MYO10: variants seen among roughly 807,000 people sequenced by gnomAD.
MYO10 encodes the protein unconventional myosin-X.
In MYO10, 133 loss-of-function variants were observed where a neutral mutation model predicts 257.3. The ratio of observed to expected loss-of-function variants is 0.52; its 90% CI spans 0.45 to 0.60. MYO10 has a LOEUF of 0.60. MYO10 is among the 20% of genes least tolerant of loss of function. The pLI, the probability that MYO10 is intolerant of heterozygous loss-of-function variation, is 0.00. For missense variants in MYO10, 2,399 were observed against 2,635.7 expected, an observed-to-expected ratio of 0.91 and a Z score of 1.97; for synonymous variants, 1,104 against 1,028.6, an observed-to-expected ratio of 1.07 and a Z score of -1.40.
intron 19 of MYO10, among the ~76,000 whole-genome samples, chr5:16,739,946 T>C (rs911404502): frequency 3.3e-5 from 5 of 152,170 alleles, no homozygotes; most frequent in African/African-American, 1.2e-4. Context: ...TTATTGTCAC[T>C]ATTCTTTGTC....
At chr5:16,676,254 A>C in intron 33 of MYO10, 100 bp from the exon 34 acceptor site, 1 of 1,401,556 alleles carries the variant, frequency 7.1e-7, no homozygotes, top group Non-Finnish European at 9.7e-7. Flanking sequence ...AGTGGGGCAA[A>C]GATGGTGGAA....
At chr5:16,719,014 T>C (rs533539148) in intron 19 of MYO10, among the ~76,000 whole-genome samples, 1 of 152,162 alleles carries the variant, frequency 6.6e-6, no homozygotes, top group South Asian at 2.1e-4. Context: ...GTTGCCAGCA[T>C]TAGCAACCCG....
In MYO10 at chr5:16,762,651, AAG is replaced by A. The variant is rs1740753189; in HGVS notation, c.1495-16_1495-15del. The A allele has an allele frequency of 6.4e-7, 1 of 1,566,234 alleles. No individual in the cohort carries two copies. The highest frequency in any genetic ancestry group is 8.7e-7 in the Non-Finnish European group (1 of 1,149,892). Reference sequence around the variant, plus strand: ...GAGGCCAAGTTTCTAGAAGAAGAAAAAGAAAAAATGAATTAAAAGTTGAATGT... The same window carrying A: ...GAGGCCAAGTTTCTAGAAGAAGAAAAAAAAAATGAATTAAAAGTTGAATGT... On this transcript the variant is annotated splice_polypyrimidine_tract_variant and intron_variant, in intron 14 of 40. Coordinates refer to ENST00000513610, the MANE Select transcript of MYO10 (RefSeq NM_012334.3).
intron 2 of MYO10, among the ~76,000 whole-genome samples, chr5:16,858,683 G>C (rs1554003659): frequency 6.6e-6 from 1 of 152,154 alleles, no homozygotes; most frequent in Non-Finnish European, 1.5e-5. Context: ...CACAGGGCCG[G>C]GTGCAGTGGC....
rs185843506 is a variant in MYO10, at chr5:16,837,066, T to C, written c.121-18899A>G. 1.4e-3 allele frequency among the ~76,000 whole-genome samples: 220 copies of C among 152,220 alleles called. 1 individual carries two copies. Among genetic ancestry groups the C allele is most frequent in the African/African-American group, 5.1e-3 (213 of 41,530 alleles). On this transcript the variant is annotated intron_variant, in intron 2 of 40. Transcript: ENST00000513610. ...TGGCTCACACCTGTAATCCCAGTAC[T>C]TTGGGAGGCCGAGGCGGGCAGATCA... is the stretch of plus-strand genomic sequence containing the variant.
chr5:16,742,977 G>A (rs994517338), intron 19 of MYO10, among the ~76,000 whole-genome samples: 2 of 151,750 alleles, frequency 1.3e-5, no homozygotes, highest in Non-Finnish European at 2.9e-5. Context: ...AAAATTAGCC[G>A]GGCATGGTGG....
chr5:16,914,944 T>A (rs751704622), intron 1 of MYO10, among the ~76,000 whole-genome samples: 3 of 152,100 alleles, frequency 2.0e-5, no homozygotes, highest in Non-Finnish European at 4.4e-5. Flanking sequence ...CATCACAAGA[T>A]TAAAAGTATA....
Position 16,783,439 on chromosome 5 carries a change from G to A in MYO10, c.498C>T (p.Ser166=), listed in dbSNP as rs1333491788. 11 of 1,611,290 alleles carry A rather than the reference G, an allele frequency of 6.8e-6. No homozygotes were observed. The highest frequency in any genetic ancestry group is 9.3e-6 in the Non-Finnish European group (11 of 1,178,936). ...SGESGAGKTE[S]TKLILKFLSV... ...ACAGAAACTTGAGGATCAATTTAGT[G>A]CTTTCGGTTTTACCTGCCCCACTTT... The change falls in exon 5 of 41, where the codon AGC becomes AGT. Residue 166 remains serine (S), a synonymous_variant. Coordinates refer to ENST00000513610, the MANE Select transcript of MYO10 (RefSeq NM_012334.3).
chr5:16,666,663 A>T lies in MYO10; in HGVS notation c.*29T>A. On this transcript the variant is annotated 3_prime_UTR_variant, in exon 41 of 41. Coordinates refer to ENST00000513610, the MANE Select transcript of MYO10 (RefSeq NM_012334.3). ...AGGCCAGAGGGTGGTGCGTTCAGGT[A>T]GCAAAGACAGGTGGGCTCTGTCCCG... 1 of 1,559,498 alleles carries T rather than the reference A, an allele frequency of 6.4e-7. No homozygotes were observed. The highest frequency in any genetic ancestry group is 2.3e-5 in the East Asian group (1 of 43,006).
At chr5:16,731,986 G>T (rs1346148284) in intron 19 of MYO10, among the ~76,000 whole-genome samples, 1 of 152,158 alleles carries the variant, frequency 6.6e-6, no homozygotes, top group Admixed American at 6.5e-5. Context: ...TTCTGAAGGG[G>T]GTTCATGGAG....
At chr5:16,752,992 T>A (rs966157021) in intron 19 of MYO10, among the ~76,000 whole-genome samples, 29 of 152,132 alleles carry the variant, frequency 1.9e-4, no homozygotes, top group Non-Finnish European at 3.4e-4. Flanking sequence ...TCAGCACAGA[T>A]CTTCAACAGA....
intron 34 of MYO10, among the ~76,000 whole-genome samples, 157 bp from the exon 35 acceptor site, chr5:16,675,307 A>T (rs186449638): frequency 1.3e-5 from 2 of 152,348 alleles, no homozygotes; most frequent in Admixed American, 1.3e-4. Flanking sequence ...ACACAGATCT[A>T]AAAGCACAGA....
intron 4 of MYO10, among the ~76,000 whole-genome samples, chr5:16,792,175 A>AGAGAGG (rs1741786622): frequency 6.8e-6 from 1 of 146,010 alleles, no homozygotes; most frequent in African/African-American, 2.6e-5. Flanking sequence ...GGAGAGACAG[A>AGAGAGG]GACAGACAGA....
intron 2 of MYO10, among the ~76,000 whole-genome samples, chr5:16,821,922 GAA>G (rs34424465): frequency 0.29 from 43,651 of 148,450 alleles, 7,135 homozygotes; most frequent in Non-Finnish European, 0.36. Flanking sequence ...GGAAGAGGGG[GAA>G]AAAAAAAAGC....
At chr5:16,880,744 T>C (rs1267143873) in intron 1 of MYO10, among the ~76,000 whole-genome samples, 1 of 152,196 alleles carries the variant, frequency 6.6e-6, no homozygotes, top group Non-Finnish European at 1.5e-5. Context: ...ACATGAAGAA[T>C]GAGACTTAAC....
At chr5:16,770,486 A>G (rs1741014142) in intron 9 of MYO10, among the ~76,000 whole-genome samples, 1 of 152,188 alleles carries the variant, frequency 6.6e-6, no homozygotes, top group Admixed American at 6.5e-5. Flanking sequence ...TGTTTTCTGA[A>G]TCATATCTAA....
rs991431707 is a variant in MYO10, at chr5:16,689,961, A to G, written c.3801-42T>C. 11 of 1,411,948 alleles carry G rather than the reference A, an allele frequency of 7.8e-6. No individual in the cohort carries two copies. In the South Asian group the frequency reaches 1.3e-4, roughly 16 times the overall value. 87.5% of individuals were successfully genotyped at this position (1,411,948 alleles called of 1,614,324 possible). A position where few individuals can be genotyped will look rare whatever the true frequency, so the allele number is the denominator to read the frequency against. On this transcript the variant is annotated intron_variant, in intron 27 of 40. Coordinates refer to ENST00000513610, the MANE Select transcript of MYO10 (RefSeq NM_012334.3). ...GCAACAAACGCACATCAGGAACACC[A>G]AATTCTGAATAACTGAGGAAAGCAA...
At chr5:16,815,601 T>TTCCAGGAAGACAAAATAAG (rs1742579917) in intron 3 of MYO10, 2 of 612,514 alleles carry the variant, frequency 3.3e-6, no homozygotes. Context: ...GTGTCCTTGG[T>TTCCAGGAAGACAAAATAAG]TCCAGGAAGA....
At chr5:16,682,157 A>ACAG in intron 30 of MYO10, 144 bp from the exon 31 acceptor site, 1 of 983,110 alleles carries the variant, frequency 1.0e-6, no homozygotes, top group Non-Finnish European at 1.5e-6. Flanking sequence ...TTATTAAGGC[A>ACAG]AACGTTGCTC....
Sources: allele counts gnomAD v4.1 joint callset (sites outside exome capture counted in the v4.1 genomes callset), GRCh38; gene constraint gnomAD v4.1.1; transcripts MANE v1.5; gene names NCBI Gene and HGNC (gene_info 2026-07-23, HGNC 2026-07-21).